Variants in TMEM179 observed in about 807,000 individuals in gnomAD.
TMEM179 encodes transmembrane protein 179.
In TMEM179, 17 loss-of-function variants were observed where a neutral mutation model predicts 22.2. The ratio of observed to expected loss-of-function variants is 0.77; its 90% CI spans 0.52 to 1.15. TMEM179 has a LOEUF of 1.15. Among genes scored for constraint, TMEM179 ranks in the 50% most tolerant of loss-of-function variants. The pLI is 0.00. For synonymous variants in TMEM179, 127 were observed against 140.5 expected (o/e 0.90, Z 0.68); for missense variants, 265 against 313.6 (o/e 0.84, Z 1.17).
At chr14:104,594,085 A>G (rs920131296) in intron 3 of TMEM179, 3 of 1,233,554 alleles carry the variant, frequency 2.4e-6, no homozygotes, top group African/African-American at 3.1e-5. Flanking sequence ...CGCTGTTTCC[A>G]AACAGTTGAA....
At position 104,597,658 on chromosome 14, in the gene TMEM179, G is replaced by A. The variant is rs911151179; in HGVS notation, c.306-531C>T. Among the ~76,000 whole-genome samples, 33 of 152,222 alleles carry A rather than the reference G, an allele frequency of 2.2e-4. No homozygotes were observed. The highest frequency in any genetic ancestry group is 4.0e-4 in the Non-Finnish European group (27 of 67,992). On this transcript the variant is annotated intron_variant, in intron 1 of 3. Coordinates refer to ENST00000556573, the MANE Select transcript of TMEM179 (RefSeq NM_001286389.2). This position sits in a 1 kb window ranked among gnomAD's most constrained non-coding sequence, Gnocchi z 4.8. ...ACCAAGCGAGCTCCCAGCAGATAAC[G>A]ACACAGCAAGAGGAACGGGCCCTCA... is the stretch of plus-strand genomic sequence containing the variant.
At position 104,591,185 on chromosome 14, in the gene TMEM179, G is replaced by A. The variant is rs932420876; in HGVS notation, c.*2294C>T. The A allele has an allele frequency of 2.5e-5, 9 of 358,346 alleles. No individual in the cohort carries two copies. Among genetic ancestry groups the A allele is most frequent in the Non-Finnish European group, 4.9e-5 (9 of 182,236 alleles). The allele number at this position is 358,346 out of a possible 1,614,324, so 22.2% of individuals were successfully genotyped here. ...GGGTCTATGTCTGCATGCAGCCGAGGATTTCCATCACCCTGGCCATGGGGC... is the reference window on the plus strand; with the variant it reads ...GGGTCTATGTCTGCATGCAGCCGAGAATTTCCATCACCCTGGCCATGGGGC... On this transcript the variant is annotated 3_prime_UTR_variant, in exon 4 of 4. Transcript: ENST00000556573.
intron 3 of TMEM179, chr14:104,594,927 CTGATTCTAACTCACTGTGG>C: frequency 7.4e-7 from 1 of 1,356,990 alleles, no homozygotes; most frequent in South Asian, 1.8e-5. Context: ...TTGCCACTTC[CTGATTCTAACTCACTGTGG>C]CCATCTCCTC....
Position 104,595,258 on chromosome 14 carries a change from C to T in TMEM179, c.444-15G>A, listed in dbSNP as rs762190429. 6.2e-7 allele frequency: 1 copy of T among 1,610,744 alleles called. No individual in the cohort carries two copies. Among genetic ancestry groups the T allele is most frequent in the Admixed American group, 1.7e-5 (1 of 59,788 alleles). ...GCTCTTCACAGCTAAAACAGCAGGA[C>T]ATAGGGTGGAGGGTGACCACCAGGA... is the stretch of plus-strand genomic sequence containing the variant. On this transcript the variant is annotated splice_polypyrimidine_tract_variant and intron_variant, in intron 2 of 3. Transcript: ENST00000556573. This position sits in a 1 kb window ranked among gnomAD's most constrained non-coding sequence, Gnocchi z 5.7.
At chr14:104,596,184 G>A (rs1887016170) in intron 2 of TMEM179, among the ~76,000 whole-genome samples, 1 of 152,244 alleles carries the variant, frequency 6.6e-6, no homozygotes, top group Non-Finnish European at 1.5e-5. Flanking sequence ...CTTCAGCTCT[G>A]CTGCATCTGT....
rs1447972870 is a variant in TMEM179, at chr14:104,597,735, A to G, written c.306-608T>C. Among the ~76,000 whole-genome samples, 1 of 152,124 alleles carries G rather than the reference A, an allele frequency of 6.6e-6. No homozygotes were observed. The highest frequency in any genetic ancestry group is 1.9e-4 in the East Asian group (1 of 5,190). On this transcript the variant is annotated intron_variant, in intron 1 of 3. Coordinates refer to ENST00000556573, the MANE Select transcript of TMEM179 (RefSeq NM_001286389.2). The surrounding 1 kb of genome is among the most constrained non-coding windows in gnomAD (Gnocchi z 4.8). The stretch of plus-strand genomic sequence containing the variant: ...TGGATCGCAGACCTCTAGCCTCCGG[A>G]AGTGTGAGCAGTAAATGCCTGTTGT...
At chr14:104,600,229 G>A (rs953177141) in intron 1 of TMEM179, among the ~76,000 whole-genome samples, 2 of 152,214 alleles carry the variant, frequency 1.3e-5, no homozygotes, top group African/African-American at 4.8e-5. Context: ...GGGCCACCCA[G>A]CCCCTCCCTC....
At chr14:104,594,009 C>A in intron 3 of TMEM179, 3 of 1,209,762 alleles carry the variant, frequency 2.5e-6, no homozygotes, top group Non-Finnish European at 3.1e-6. Context: ...TCCGGCCTGT[C>A]GGCTCTAAGG....
chr14:104,601,724 G>T (rs1367014100), intron 1 of TMEM179, among the ~76,000 whole-genome samples: 1 of 152,202 alleles, frequency 6.6e-6, no homozygotes, highest in Non-Finnish European at 1.5e-5. Context: ...TCAGTGGTGG[G>T]AGGATTGGTG....
rs1490986152 is a variant in TMEM179 at position 104,595,476 on chromosome 14, C to T, written c.444-233G>A. Among the ~76,000 whole-genome samples, 2 of 152,218 alleles carry T rather than the reference C, an allele frequency of 1.3e-5. No individual in the cohort carries two copies. Among genetic ancestry groups the T allele is most frequent in the African/African-American group, 2.4e-5 (1 of 41,462 alleles). ...GGCCCCTCCCTGTCCTGGCCCTGGA[C>T]AGCCAGAAGACGCCAGCTCTGCCTC... On this transcript the variant is annotated intron_variant, in intron 2 of 3. Coordinates refer to ENST00000556573, the MANE Select transcript of TMEM179 (RefSeq NM_001286389.2). This position sits in a 1 kb window ranked among gnomAD's most constrained non-coding sequence, Gnocchi z 5.7.
intron 1 of TMEM179, among the ~76,000 whole-genome samples, chr14:104,599,923 T>C (rs1452682499): frequency 6.6e-6 from 1 of 152,200 alleles, no homozygotes; most frequent in African/African-American, 2.4e-5. Flanking sequence ...CCACTGAGCA[T>C]GGGCCACAAC....
In TMEM179 at chr14:104,597,784, C is replaced by T. The variant is rs796070918; in HGVS notation, c.306-657G>A. Among the ~76,000 whole-genome samples, 11 of 152,334 alleles carry T rather than the reference C, an allele frequency of 7.2e-5. No homozygotes were observed. The highest frequency in any genetic ancestry group is 2.4e-4 in the African/African-American group (10 of 41,576). On this transcript the variant is annotated intron_variant, in intron 1 of 3. Coordinates refer to ENST00000556573, the MANE Select transcript of TMEM179 (RefSeq NM_001286389.2). The surrounding 1 kb of genome is among the most constrained non-coding windows in gnomAD (Gnocchi z 4.8). The stretch of plus-strand genomic sequence containing the variant: ...GTTTACAAGACCCCAGCCTGTGATG[C>T]CGAGAGCTTCCATTCACCCGCAGGT...
In TMEM179 at chr14:104,595,808, C is replaced by T. The variant is rs1448037351; in HGVS notation, c.444-565G>A. On this transcript the variant is annotated intron_variant, in intron 2 of 3. Coordinates refer to ENST00000556573, the MANE Select transcript of TMEM179 (RefSeq NM_001286389.2). This position sits in a 1 kb window ranked among gnomAD's most constrained non-coding sequence, Gnocchi z 5.7. ...GGCATCAGAGGGCCCAGGAGTGAGC[C>T]AGGCCTGGGCTCCCGGTAGGTGTCC... 6.6e-6 allele frequency among the ~76,000 whole-genome samples: 1 copy of T among 152,250 alleles called. No individual in the cohort carries two copies. The highest frequency in any genetic ancestry group is 2.4e-5 in the African/African-American group (1 of 41,468).
Position 104,593,443 on chromosome 14 carries a change from G to A in TMEM179, c.*36C>T, listed in dbSNP as rs1310172984. On this transcript the variant is annotated 3_prime_UTR_variant, in exon 4 of 4. Transcript: ENST00000556573. ...AGGCCCGTGCCCCCGAGCGCAGCAG[G>A]GAGGTCGGGGCCAGCTCCCCCTGCC... The A allele has an allele frequency of 1.3e-6, 2 of 1,535,688 alleles. No individual in the cohort carries two copies. The highest frequency in any genetic ancestry group is 1.2e-5 in the South Asian group (1 of 84,038).
chr14:104,600,619 C>A (rs889138702), intron 1 of TMEM179, among the ~76,000 whole-genome samples: 1 of 151,346 alleles, frequency 6.6e-6, no homozygotes, highest in Admixed American at 6.6e-5. Flanking sequence ...TTTACTCATT[C>A]ATTCATTCAT....
In TMEM179 at chr14:104,596,972, C is replaced by T. The variant is rs373548447; in HGVS notation, c.443+18G>A. On this transcript the variant is annotated intron_variant, in intron 2 of 3. Coordinates refer to ENST00000556573, the MANE Select transcript of TMEM179 (RefSeq NM_001286389.2). Reference sequence around the variant, plus strand: ...CCGGGGAGGTGGGCGGAGGCCGAGGCGGGTGGGGCGGGCGCACCTGTGGGG... The same window carrying T: ...CCGGGGAGGTGGGCGGAGGCCGAGGTGGGTGGGGCGGGCGCACCTGTGGGG... 892 of 1,404,474 alleles carry T rather than the reference C, an allele frequency of 6.4e-4. 5 individuals carry two copies. The highest frequency in any genetic ancestry group is 4.5e-4 in the Non-Finnish European group (465 of 1,038,342). The allele number at this position is 1,404,474 out of a possible 1,614,324, so 87.0% of individuals were successfully genotyped here.
intron 2 of TMEM179, among the ~76,000 whole-genome samples, chr14:104,596,776 C>A (rs1389135835): frequency 6.6e-6 from 1 of 152,138 alleles, no homozygotes. Context: ...GTGATGCTGC[C>A]GGCTCCTAGG....
At chr14:104,599,789 G>T (rs1025310340) in intron 1 of TMEM179, among the ~76,000 whole-genome samples, 1 of 152,094 alleles carries the variant, frequency 6.6e-6, no homozygotes, top group African/African-American at 2.4e-5. Flanking sequence ...TGGAGAAGGA[G>T]ACGCACTCTG....
chr14:104,593,953 C>T (rs1003874355), intron 3 of TMEM179: 12 of 991,256 alleles, frequency 1.2e-5, no homozygotes, highest in African/African-American at 5.0e-5. Flanking sequence ...CCAGAGGCCC[C>T]GAGGAGGGGC....
Sources: gnomAD v4.1 joint callset for allele counts (sites outside exome capture counted in the v4.1 genomes callset) on GRCh38, gnomAD v4.1.1 for gene constraint, Gnocchi (gnomAD v3.1) non-coding constraint, MANE v1.5 for transcripts, NCBI Gene and HGNC (gene_info 2026-07-23, HGNC 2026-07-21) for gene names.